The following LRATD1 variants were observed in gnomAD, a reference collection of about 807,000 sequenced individuals.
LRATD1 encodes the protein protein LRATD1.
In LRATD1, 8 loss-of-function variants were observed where a neutral mutation model predicts 21.3. That is an observed-to-expected ratio of 0.38 (90% CI 0.22 to 0.68). The LOEUF is 0.68. Ranked by LOEUF, LRATD1 falls within the 30% of genes least tolerant of loss-of-function variation. The pLI is 0.54. For synonymous variants in LRATD1, 210 were observed against 186.2 expected (o/e 1.13, Z -1.04); for missense variants, 380 against 404.0 (o/e 0.94, Z 0.51).
chr2:14,651,811 A>C (rs1386496980), downstream of LRATD1, among the ~76,000 whole-genome samples: 1 of 151,850 alleles, frequency 6.6e-6, no homozygotes, highest in East Asian at 1.9e-4. Flanking sequence ...TCTTGAGAAA[A>C]TCTTGTGGTT....
rs1671639090 is a variant in LRATD1, at chr2:14,634,649, C to A, written c.670C>A (p.Arg224=). 2 of 1,552,814 alleles carry A rather than the reference C, an allele frequency of 1.3e-6. No homozygotes were observed. The highest frequency in any genetic ancestry group is 8.7e-7 in the Non-Finnish European group (1 of 1,147,136). The change falls in exon 2 of 2, where the codon CGG becomes AGG. Residue 224 remains arginine, a synonymous_variant. Transcript: ENST00000295092. ...CGCCGCCTGGTGCCGCTTTGGCAAGCGGGAGTTCAAGGCGGGAGGGGAGGT... is the reference window on the plus strand; with the variant it reads ...CGCCGCCTGGTGCCGCTTTGGCAAGAGGGAGTTCAAGGCGGGAGGGGAGGT... ...SFAAWCRFGK[R]EFKAGGEVPA... is the part of the protein sequence containing the mutation.
At position 14,637,000 on chromosome 2, in the gene LRATD1, C is replaced by T. The variant is rs898470263; in HGVS notation, c.*2142C>T. 2 of 167,006 alleles carry T rather than the reference C, an allele frequency of 1.2e-5. No individual in the cohort carries two copies. Among genetic ancestry groups the T allele is most frequent in the Non-Finnish European group, 2.9e-5 (2 of 68,098 alleles). 10.3% of individuals were successfully genotyped at this position (167,006 alleles called of 1,614,324 possible). ...TTTAAAAAATGTTTAAATGCATATGCTTTTCTTTCAGCACAAACAACAGCA... is the reference window on the plus strand; with the variant it reads ...TTTAAAAAATGTTTAAATGCATATGTTTTTCTTTCAGCACAAACAACAGCA... On this transcript the variant is annotated 3_prime_UTR_variant, in exon 2 of 2. Transcript: ENST00000295092.
rs1190230712 is a variant in LRATD1 at position 14,645,443 on chromosome 2, A to G, written n.259-661A>G. The stretch of plus-strand genomic sequence containing the variant: ...ACAGCTGACTTTATGCATTTATTTT[A>G]ATAAGGCTGTGAAAACAGTCCATTT... On this transcript the variant is annotated intron_variant and non_coding_transcript_variant, in intron 2 of 5. Transcript: ENST00000464947. 2.0e-5 allele frequency among the ~76,000 whole-genome samples: 3 copies of G among 152,366 alleles called. No homozygotes were observed. In the East Asian group the frequency reaches 5.8e-4, roughly 29 times the overall value.
At chr2:14,647,772 C>T (rs1184353288) in intron 4 of LRATD1, among the ~76,000 whole-genome samples, 7 of 152,152 alleles carry the variant, frequency 4.6e-5, no homozygotes, top group Non-Finnish European at 8.8e-5. Context: ...GGATAAGTCA[C>T]TCAGTTCATG....
In LRATD1 at chr2:14,633,329, G is replaced by A. The variant is rs1558253655; in HGVS notation, c.-37+392G>A. Reference sequence around the variant, plus strand: ...TGGGGTCTAAGTGTGCCAGTGTGTCGTCGCGAAGGTTTGTCATTGTGGGTG... The same window carrying A: ...TGGGGTCTAAGTGTGCCAGTGTGTCATCGCGAAGGTTTGTCATTGTGGGTG... On this transcript the variant is annotated intron_variant, in intron 1 of 1. Coordinates refer to ENST00000295092, the MANE Select transcript of LRATD1 (RefSeq NM_145175.4). The surrounding 1 kb of genome is among the most constrained non-coding windows in gnomAD (Gnocchi z 7.5). Among the ~76,000 whole-genome samples, 1 of 152,180 alleles carries A rather than the reference G, an allele frequency of 6.6e-6. No individual in the cohort carries two copies. Among genetic ancestry groups the A allele is most frequent in the Non-Finnish European group, 1.5e-5 (1 of 68,038 alleles).
rs745858348 is a variant in LRATD1, at chr2:14,635,656, C to A, written c.*798C>A. 7 of 468,778 alleles carry A rather than the reference C, an allele frequency of 1.5e-5. No individual in the cohort carries two copies. Among genetic ancestry groups the A allele is most frequent in the South Asian group, 9.3e-5 (6 of 64,374 alleles). 29.0% of individuals were successfully genotyped at this position (468,778 alleles called of 1,614,324 possible). ...GCGCTGCGAATTCGGTGAGGACAGC[C>A]GGCCCCGCCCCCGACAAGGAGCTCG... On this transcript the variant is annotated 3_prime_UTR_variant, in exon 2 of 2. Coordinates refer to ENST00000295092, the MANE Select transcript of LRATD1 (RefSeq NM_145175.4).
In LRATD1 at chr2:14,639,244, A is replaced by G. The variant is rs1336286691; in HGVS notation, c.*4386A>G. The G allele has an allele frequency of 6.0e-6, 1 of 167,048 alleles. No individual in the cohort carries two copies. Among genetic ancestry groups the G allele is most frequent in the Non-Finnish European group, 1.5e-5 (1 of 68,090 alleles). 10.3% of individuals were successfully genotyped at this position (167,048 alleles called of 1,614,324 possible). ...GCAGCTATGTCTAAAGCTAACAATA[A>G]AAAGAAAATGTGGGAGTTGTGCAAT... is the stretch of plus-strand genomic sequence containing the variant. On this transcript the variant is annotated 3_prime_UTR_variant, in exon 2 of 2. Transcript: ENST00000295092.
At chr2:14,646,861 T>C (rs1190357552) in intron 4 of LRATD1, among the ~76,000 whole-genome samples, 1 of 152,202 alleles carries the variant, frequency 6.6e-6, no homozygotes, top group Admixed American at 6.5e-5. Flanking sequence ...TTAAAACATA[T>C]CTGGTATCCA....
downstream of LRATD1, chr2:14,649,741 T>A (rs1671970348): frequency 1.2e-5 from 2 of 161,310 alleles, no homozygotes; most frequent in Admixed American, 6.1e-5. Flanking sequence ...TCCTCAGAAA[T>A]CCTCTCTCCC....
rs1209167252 is a variant in LRATD1 at position 14,638,702 on chromosome 2, C to T, written c.*3844C>T. 1 of 166,988 alleles carries T rather than the reference C, an allele frequency of 6.0e-6. No individual in the cohort carries two copies. The highest frequency in any genetic ancestry group is 2.4e-5 in the African/African-American group (1 of 41,428). 10.3% of individuals were successfully genotyped at this position (166,988 alleles called of 1,614,324 possible). A position where few individuals can be genotyped will look rare whatever the true frequency, so the allele number is the denominator to read the frequency against. Reference sequence around the variant, plus strand: ...ACTTCAATGAAATTAATACTTATTGCACAATCATAATATAGCAACCTAATT... The same window carrying T: ...ACTTCAATGAAATTAATACTTATTGTACAATCATAATATAGCAACCTAATT... On this transcript the variant is annotated 3_prime_UTR_variant, in exon 2 of 2. Coordinates refer to ENST00000295092, the MANE Select transcript of LRATD1 (RefSeq NM_145175.4).
intron 4 of LRATD1, among the ~76,000 whole-genome samples, chr2:14,648,791 C>G (rs1207175979): frequency 6.6e-6 from 1 of 152,214 alleles, no homozygotes; most frequent in African/African-American, 2.4e-5. Flanking sequence ...ACTAGCTTCT[C>G]CTGGTGTTCA....
rs1458387181 is a variant in LRATD1 at position 14,634,489 on chromosome 2, C to T, written c.510C>T (p.Gly170=). ...GCCAGGACAGCCTGTATGAGGCGGGCGCGGCCAACGTGGGCCGGGTGGTGA... is the reference window on the plus strand; with the variant it reads ...GCCAGGACAGCCTGTATGAGGCGGGTGCGGCCAACGTGGGCCGGGTGGTGA... ...EIRQDSLYEA[G]AANVGRVVNS... is the part of the protein sequence containing the mutation. The change falls in exon 2 of 2, where the codon GGC becomes GGT. Residue 170 remains glycine, a synonymous_variant. Transcript: ENST00000295092. 1 of 1,508,952 alleles carries T rather than the reference C, an allele frequency of 6.6e-7. No homozygotes were observed. Among genetic ancestry groups the T allele is most frequent in the East Asian group, 2.3e-5 (1 of 43,442 alleles). 93.5% of individuals were successfully genotyped at this position (1,508,952 alleles called of 1,614,324 possible). A position where few individuals can be genotyped will look rare whatever the true frequency, so the allele number is the denominator to read the frequency against.
At chr2:14,648,256 A>G (rs192524186) in intron 4 of LRATD1, among the ~76,000 whole-genome samples, 27 of 152,288 alleles carry the variant, frequency 1.8e-4, no homozygotes, top group Admixed American at 4.6e-4. Flanking sequence ...TTTTATTAGC[A>G]CAGCAGTTCT....
chr2:14,634,667 G>T lies in LRATD1; in HGVS notation c.688G>T (p.Gly230Trp). ...TGGCAAGCGGGAGTTCAAGGCGGGA[G>T]GGGAGGTGCCGGCAGGCACGCAGCC... Reference protein sequence around the residue: ...RFGKREFKAGGEVPAGTQPPQ... With the variant: ...RFGKREFKAGWEVPAGTQPPQ... The change falls in exon 2 of 2, where the codon GGG becomes TGG. Residue 230 changes from glycine (G) to tryptophan (W), a missense_variant. Physicochemically the swap from Gly to Trp is radical, Grantham distance 184 (BLOSUM62 -2). Transcript: ENST00000295092. 1 of 1,554,914 alleles carries T rather than the reference G, an allele frequency of 6.4e-7. No homozygotes were observed. The highest frequency in any genetic ancestry group is 1.7e-4 in the Middle Eastern group (1 of 5,810).
chr2:14,641,592 A>C (rs947072686), downstream of LRATD1, among the ~76,000 whole-genome samples: 8 of 152,092 alleles, frequency 5.3e-5, no homozygotes, highest in East Asian at 1.9e-4. Flanking sequence ...ATAGTGATGT[A>C]TCTAACCACA....
At chr2:14,642,044 A>C (rs1572301075), downstream of LRATD1, 1 of 152,294 alleles carries the variant, frequency 6.6e-6, no homozygotes, top group Non-Finnish European at 1.5e-5. Context: ...TAGGTGCTAA[A>C]TTAGAGTCTA....
intron 4 of LRATD1, chr2:14,649,279 T>C: frequency 2.2e-6 from 1 of 456,614 alleles, no homozygotes; most frequent in Non-Finnish European, 4.4e-6. Flanking sequence ...GGCACTTTTA[T>C]TAAATAAAAA....
At chr2:14,640,663 T>C (rs1215359627), downstream of LRATD1, among the ~76,000 whole-genome samples, 1 of 152,202 alleles carries the variant, frequency 6.6e-6, no homozygotes, top group Non-Finnish European at 1.5e-5. Flanking sequence ...AATAAGTTAT[T>C]ATTCTAAATT....
downstream of LRATD1, among the ~76,000 whole-genome samples, chr2:14,644,119 C>T (rs115366040): frequency 4.2e-3 from 630 of 151,366 alleles, 6 homozygotes; most frequent in African/African-American, 0.015. Context: ...TTTAATTTCA[C>T]GTGGATACAA....
Sources: gnomAD v4.1 joint callset for allele counts (sites outside exome capture counted in the v4.1 genomes callset) on GRCh38, gnomAD v4.1.1 for gene constraint, Gnocchi (gnomAD v3.1) non-coding constraint, MANE v1.5 for transcripts, NCBI Gene and HGNC (gene_info 2026-07-23, HGNC 2026-07-21) for gene names.